Variants in ADAM29 observed in about 807,000 individuals in gnomAD.
ADAM29 encodes ADAM metallopeptidase domain 29.
For missense variants in ADAM29, 969 were observed against 1,001.8 expected, an observed-to-expected ratio of 0.97 and a Z score of 0.44; for synonymous variants, 367 against 342.3, an observed-to-expected ratio of 1.07 and a Z score of -0.80.
At chr4:174,972,971 C>T (rs1412337681) in intron 4 of ADAM29, among the ~76,000 whole-genome samples, 1 of 152,216 alleles carries the variant, frequency 6.6e-6, no homozygotes, top group Non-Finnish European at 1.5e-5. Context: ...GTGCCAGACC[C>T]ATTCGAGCTC....
rs1746212294 is a variant in ADAM29, at chr4:174,967,377, T to C, written c.-180-7969T>C. The stretch of plus-strand genomic sequence containing the variant: ...TGGTGGTTACCTGAATTAGCTTTGG[T>C]ACTTGGAGTTTCTAAGAAATGTGTC... On this transcript the variant is annotated intron_variant, in intron 4 of 4. Transcript: ENST00000359240. Among the ~76,000 whole-genome samples, 3 of 152,208 alleles carry C rather than the reference T, an allele frequency of 2.0e-5. No homozygotes were observed. In the South Asian group the frequency reaches 6.2e-4, roughly 32 times the overall value.
intron 4 of ADAM29, among the ~76,000 whole-genome samples, chr4:174,965,148 T>C (rs1746073573): frequency 6.6e-6 from 1 of 152,146 alleles, no homozygotes; most frequent in African/African-American, 2.4e-5. Context: ...TTTATTTGGC[T>C]TATGATTTTA....
In ADAM29 at chr4:174,976,134, A is replaced by T; in HGVS notation, c.609A>T (p.Val203=). Reference sequence around the variant, plus strand: ...TCCATTTTAGGATTGTTGAAATTGTAGTCGTCATTGATAATTATCTGTACA... The same window carrying T: ...TCCATTTTAGGATTGTTGAAATTGTTGTCGTCATTGATAATTATCTGTACA... ...WWIHFRIVEI[V]VVIDNYLYIR... The change falls in exon 5 of 5, where the codon GTA becomes GTT. Residue 203 remains valine (V), a synonymous_variant. Coordinates refer to ENST00000359240, the MANE Select transcript of ADAM29 (RefSeq NM_014269.4). 6.2e-7 allele frequency: 1 copy of T among 1,613,466 alleles called. No individual in the cohort carries two copies. Among genetic ancestry groups the T allele is most frequent in the South Asian group, 1.1e-5 (1 of 90,924 alleles).
intron 4 of ADAM29, among the ~76,000 whole-genome samples, chr4:174,940,663 G>A (rs934342696): frequency 1.1e-4 from 17 of 151,990 alleles, no homozygotes; most frequent in Non-Finnish European, 2.2e-4. Context: ...TATTCTAGAA[G>A]CACTTAATAG....
chr4:174,951,982 T>C (rs1310149641), intron 4 of ADAM29, among the ~76,000 whole-genome samples: 5 of 152,250 alleles, frequency 3.3e-5, no homozygotes, highest in Admixed American at 1.3e-4. Context: ...CAATATATTG[T>C]ATACTTGAAA....
intron 4 of ADAM29, among the ~76,000 whole-genome samples, chr4:174,948,028 A>T (rs1047957142): frequency 6.6e-6 from 1 of 152,186 alleles, no homozygotes; most frequent in Non-Finnish European, 1.5e-5. Context: ...AGATCAGTTT[A>T]GTTATATCTT....
At chr4:174,969,132 C>A (rs1746326407) in intron 4 of ADAM29, among the ~76,000 whole-genome samples, 1 of 151,588 alleles carries the variant, frequency 6.6e-6, no homozygotes, top group Admixed American at 6.6e-5. Flanking sequence ...AAATTAACAT[C>A]ATCTTCTTCT....
chr4:174,940,995 T>C (rs1302319851), intron 4 of ADAM29, among the ~76,000 whole-genome samples: 1 of 152,150 alleles, frequency 6.6e-6, no homozygotes, highest in East Asian at 1.9e-4. Flanking sequence ...AGTTTCTATG[T>C]TTTAATCTGT....
At chr4:174,919,266 T>C (rs1241442539) in intron 1 of ADAM29, among the ~76,000 whole-genome samples, 1 of 152,186 alleles carries the variant, frequency 6.6e-6, no homozygotes, top group Admixed American at 6.5e-5. Context: ...TTCTGAAAGA[T>C]CATAACCATT....
At chr4:174,923,149 G>A (rs557632377) in intron 2 of ADAM29, among the ~76,000 whole-genome samples, 6 of 152,000 alleles carry the variant, frequency 3.9e-5, no homozygotes, top group African/African-American at 1.4e-4. Flanking sequence ...TCCACTTCCC[G>A]AGTTCAGGTG....
At chr4:174,970,287 TCA>T (rs1280981421) in intron 4 of ADAM29, among the ~76,000 whole-genome samples, 3 of 152,128 alleles carry the variant, frequency 2.0e-5, no homozygotes, top group Admixed American at 2.0e-4. Context: ...GCAGATGGAA[TCA>T]AGGTTGTGAA....
chr4:174,954,497 G>A (rs1411406974), intron 4 of ADAM29, among the ~76,000 whole-genome samples: 7 of 152,140 alleles, frequency 4.6e-5, no homozygotes, highest in South Asian at 2.1e-4. Context: ...AATGACCACC[G>A]AATCTGTTTA....
In ADAM29 at chr4:174,977,786, T is replaced by C. The variant is rs1488867307; in HGVS notation, c.2261T>C (p.Val754Ala). The change falls in exon 5 of 5, where the codon GTG becomes GCG. Residue 754 changes from valine (V) to alanine (A), a missense_variant. Physicochemically the swap from Val to Ala is moderately conservative, Grantham distance 64. Coordinates refer to ENST00000359240, the MANE Select transcript of ADAM29 (RefSeq NM_014269.4). ...PVTPSQSHPQ[V>A]MPSQSQPPVT... ...ACGCCTTCCCAGAGTCATCCTCAGGTGATGCCTTCCCAGAGTCAACCTCCT... is the reference window on the plus strand; with the variant it reads ...ACGCCTTCCCAGAGTCATCCTCAGGCGATGCCTTCCCAGAGTCAACCTCCT... 6.2e-7 allele frequency: 1 copy of C among 1,604,810 alleles called. No individual in the cohort carries two copies. Among genetic ancestry groups the C allele is most frequent in the African/African-American group, 1.3e-5 (1 of 74,614 alleles).
chr4:174,954,737 G>A lies in ADAM29; in HGVS notation c.-181+17724G>A, dbSNP rs184637538. 2.6e-5 allele frequency among the ~76,000 whole-genome samples: 4 copies of A among 152,154 alleles called. No individual in the cohort carries two copies. In the East Asian group the frequency reaches 7.8e-4, roughly 30 times the overall value. On this transcript the variant is annotated intron_variant, in intron 4 of 4. Transcript: ENST00000359240. ...TCAGAAGGGTAAGTAATTAAGATTG[G>A]ATCTGTAGTGGCTGTAAAAACTGAG... is the stretch of plus-strand genomic sequence containing the variant.
chr4:174,923,560 TACACACACAC>T (rs1743307036), intron 2 of ADAM29, among the ~76,000 whole-genome samples: 14 of 115,814 alleles, frequency 1.2e-4, no homozygotes, highest in South Asian at 2.7e-4. Context: ...TATATATATA[TACACACACAC>T]ATATATATCT....
At chr4:174,956,521 AG>A (rs1553975859) in intron 4 of ADAM29, among the ~76,000 whole-genome samples, 1 of 52,260 alleles carries the variant, frequency 1.9e-5, no homozygotes, top group African/African-American at 1.1e-4. Flanking sequence ...TGAGAGAGAG[AG>A]AAAAAAAAGA....
intron 4 of ADAM29, among the ~76,000 whole-genome samples, chr4:174,959,226 G>A (rs1371106691): frequency 2.0e-5 from 3 of 151,698 alleles, no homozygotes; most frequent in Admixed American, 6.6e-5. Flanking sequence ...AATGATTTTT[G>A]TGGATGTAGA....
At chr4:174,939,747 T>C (rs182260571) in intron 4 of ADAM29, among the ~76,000 whole-genome samples, 1 of 152,214 alleles carries the variant, frequency 6.6e-6, no homozygotes, top group East Asian at 1.9e-4. Context: ...CAAGGATGGA[T>C]TATCCAAATA....
chr4:174,956,537 G>A (rs1745515804), intron 4 of ADAM29, among the ~76,000 whole-genome samples: 1 of 151,272 alleles, frequency 6.6e-6, no homozygotes, highest in Non-Finnish European at 1.5e-5. Flanking sequence ...AAAAGAGAGA[G>A]AATAATGAAT....
Sources: gnomAD v4.1 joint callset for allele counts (sites outside exome capture counted in the v4.1 genomes callset) on GRCh38, gnomAD v4.1.1 for gene constraint, MANE v1.5 for transcripts, NCBI Gene and HGNC (gene_info 2026-07-23, HGNC 2026-07-21) for gene names.